Variants in DLGAP2 observed in about 807,000 individuals in gnomAD.
DLGAP2 encodes disks large-associated protein 2.
A neutral mutation model predicts 100.3 loss-of-function variants in DLGAP2; 26 were observed. That is an observed-to-expected ratio of 0.26 (90% CI 0.19 to 0.36). The LOEUF is 0.36. DLGAP2 is among the 10% of genes least tolerant of loss of function. The pLI is 1.00. For synonymous variants in DLGAP2, 886 were observed against 630.1 expected (o/e 1.41, Z -6.08); for missense variants, 1,858 against 1,453.2 (o/e 1.28, Z -4.53).
intron 3 of DLGAP2, among the ~76,000 whole-genome samples, chr8:1,423,642 G>C (rs1432621341): frequency 1.3e-5 from 2 of 152,206 alleles, no homozygotes; most frequent in East Asian, 1.9e-4. Flanking sequence ...CTCCCTTATT[G>C]AACTCTTGGA....
At chr8:1,575,065 A>G (rs1344577860) in intron 6 of DLGAP2, among the ~76,000 whole-genome samples, 1 of 152,198 alleles carries the variant, frequency 6.6e-6, no homozygotes, top group Non-Finnish European at 1.5e-5. Flanking sequence ...ATAATAACGC[A>G]CAACAAGAGA....
At chr8:804,307 A>G (rs1796225707) in intron 1 of DLGAP2, among the ~76,000 whole-genome samples, 1 of 152,058 alleles carries the variant, frequency 6.6e-6, no homozygotes, top group South Asian at 2.1e-4. Context: ...GATGTTATGG[A>G]TCCAGTGCTG....
At chr8:977,475 C>A (rs889204232) in intron 2 of DLGAP2, among the ~76,000 whole-genome samples, 7 of 152,214 alleles carry the variant, frequency 4.6e-5, no homozygotes, top group Non-Finnish European at 4.4e-5. Flanking sequence ...TCTGATATAG[C>A]AAAATATCTT....
At chr8:900,285 G>A (rs1358699236) in intron 1 of DLGAP2, among the ~76,000 whole-genome samples, 2 of 150,316 alleles carry the variant, frequency 1.3e-5, no homozygotes, top group African/African-American at 2.5e-5. Context: ...TGTTCACGGC[G>A]TCGCTCCCGG....
chr8:1,588,552 AATAG>A (rs1796195228), intron 6 of DLGAP2, among the ~76,000 whole-genome samples: 1 of 152,150 alleles, frequency 6.6e-6, no homozygotes, highest in Non-Finnish European at 1.5e-5. Flanking sequence ...TTAAGGACTG[AATAG>A]ATAAATAAAA....
intron 4 of DLGAP2, among the ~76,000 whole-genome samples, chr8:1,524,188 G>A (rs767737066): frequency 1.3e-5 from 2 of 152,114 alleles, no homozygotes; most frequent in African/African-American, 2.4e-5. Context: ...CAGGGTGTGC[G>A]TCGGGGTCAG....
intron 8 of DLGAP2, among the ~76,000 whole-genome samples, chr8:1,641,904 C>CCAACCCGCCGGTCCTCACCTGT: frequency 7.8e-6 from 1 of 128,380 alleles, no homozygotes; most frequent in Non-Finnish European, 1.7e-5. Context: ...GTGTCACCCT[C>CCAACCCGCCGGTCCTCACCTGT]GACCCCGCCG....
At chr8:784,354 A>C (rs1821781054) in intron 1 of DLGAP2, among the ~76,000 whole-genome samples, 1 of 152,260 alleles carries the variant, frequency 6.6e-6, no homozygotes, top group Non-Finnish European at 1.5e-5. Context: ...ATGTGTGTTC[A>C]TGTGGGTATA....
chr8:1,207,662 G>A (rs924867539), intron 2 of DLGAP2, among the ~76,000 whole-genome samples: 1 of 152,178 alleles, frequency 6.6e-6, no homozygotes, highest in Admixed American at 6.5e-5. Context: ...CGTAGTGGTT[G>A]TACTAGTTTA....
intron 4 of DLGAP2, among the ~76,000 whole-genome samples, chr8:1,510,347 C>G (rs1022427098): frequency 2.0e-5 from 3 of 152,196 alleles, no homozygotes; most frequent in African/African-American, 4.8e-5. Flanking sequence ...AGCCTCGTTG[C>G]CCCAGATGTC....
intron 2 of DLGAP2, among the ~76,000 whole-genome samples, chr8:935,284 G>A (rs905247007): frequency 9.2e-5 from 14 of 152,160 alleles, no homozygotes; most frequent in Non-Finnish European, 1.8e-4. Flanking sequence ...GGGAGTCCTC[G>A]CTGTACAAAC....
At chr8:1,007,056 A>T (rs181063329) in intron 2 of DLGAP2, among the ~76,000 whole-genome samples, 1 of 149,480 alleles carries the variant, frequency 6.7e-6, no homozygotes, top group Non-Finnish European at 1.5e-5. Flanking sequence ...CACGTTGGGG[A>T]CACCTTGTGT....
At chr8:1,223,413 G>C (rs1012021585) in intron 2 of DLGAP2, among the ~76,000 whole-genome samples, 2 of 152,194 alleles carry the variant, frequency 1.3e-5, no homozygotes, top group Non-Finnish European at 2.9e-5. Flanking sequence ...AGTGACTACT[G>C]TTCAGGGTGG....
chr8:1,206,840 C>A (rs1277034881), intron 2 of DLGAP2, among the ~76,000 whole-genome samples: 3 of 152,212 alleles, frequency 2.0e-5, no homozygotes, highest in African/African-American at 7.2e-5. Flanking sequence ...CTGTCGCTGA[C>A]ACAGCAAGGT....
intron 2 of DLGAP2, among the ~76,000 whole-genome samples, chr8:973,258 C>T (rs1479831018): frequency 2.7e-5 from 4 of 148,240 alleles, no homozygotes; most frequent in East Asian, 4.1e-4. Flanking sequence ...GCTGTCCCCC[C>T]ACCTCCCTCC....
intron 6 of DLGAP2, among the ~76,000 whole-genome samples, chr8:1,580,021 G>A (rs1311424468): frequency 2.0e-5 from 3 of 152,184 alleles, no homozygotes; most frequent in Non-Finnish European, 2.9e-5. Flanking sequence ...TGGAATAAGA[G>A]CCCCGCCCAT....
chr8:882,728 C>T (rs2128993777), intron 1 of DLGAP2, among the ~76,000 whole-genome samples: 1 of 149,930 alleles, frequency 6.7e-6, no homozygotes, highest in Admixed American at 6.6e-5. Context: ...GCCTCTCCTG[C>T]GCGCACCCTC....
intron 2 of DLGAP2, among the ~76,000 whole-genome samples, chr8:1,146,891 C>T (rs565348403): frequency 1.3e-5 from 2 of 152,348 alleles, no homozygotes; most frequent in Admixed American, 1.3e-4. Context: ...CAATTCCTCA[C>T]TGCCACAATT....
chr8:1,408,208 G>C (rs1310302846), intron 3 of DLGAP2, among the ~76,000 whole-genome samples: 1 of 152,180 alleles, frequency 6.6e-6, no homozygotes, highest in Non-Finnish European at 1.5e-5. Context: ...AGGAATCCTT[G>C]TGCTCTTTCC....
Sources: gnomAD v4.1 joint callset for allele counts (sites outside exome capture counted in the v4.1 genomes callset) on GRCh38, gnomAD v4.1.1 for gene constraint, MANE v1.5 for transcripts, NCBI Gene and HGNC (gene_info 2026-07-23, HGNC 2026-07-21) for gene names.